The following ZNF430 variants were observed in gnomAD, a reference collection of about 807,000 sequenced individuals.
ZNF430 encodes the protein zinc finger protein 430.
In ZNF430, 35 loss-of-function variants were observed where a neutral mutation model predicts 56.7. That is an observed-to-expected ratio of 0.62 (90% CI 0.47 to 0.82). The LOEUF is 0.82. ZNF430 is among the 40% of genes least tolerant of loss of function. The probability of loss-of-function intolerance (pLI) is 0.00; values close to 1 mark genes in which losing one functional copy is unlikely to be tolerated. For synonymous variants in ZNF430, 212 were observed against 224.3 expected (o/e 0.94, Z 0.49); for missense variants, 574 against 661.0 (o/e 0.87, Z 1.44).
chr19:21,035,126 G>A (rs941107885), intron 4 of ZNF430: 3 of 151,728 alleles, frequency 2.0e-5, no homozygotes, highest in African/African-American at 7.3e-5. Context: ...ATTTTGATAG[G>A]GAATTTATTG....
chr19:21,028,002 G>C (rs936065151), intron 2 of ZNF430, among the ~76,000 whole-genome samples: 1 of 152,156 alleles, frequency 6.6e-6, no homozygotes, highest in African/African-American at 2.4e-5. Flanking sequence ...TCTATGAGGG[G>C]ATCTCTCCTT....
At chr19:21,036,130 T>C (rs1042092160) in intron 4 of ZNF430, 1 of 152,306 alleles carries the variant, frequency 6.6e-6, no homozygotes, top group Admixed American at 6.5e-5. Context: ...TTTTGTATTA[T>C]AATTTTAGAC....
chr19:21,058,731 T>A lies in ZNF430; in HGVS notation c.*710T>A, dbSNP rs10409844. On this transcript the variant is annotated 3_prime_UTR_variant, in exon 5 of 5. Transcript: ENST00000261560. Reference sequence around the variant, plus strand: ...GGAGAGCATTTATACTTGAAAAAAATTGTACAAATATAAAGACCATGAAAA... The same window carrying A: ...GGAGAGCATTTATACTTGAAAAAAAATGTACAAATATAAAGACCATGAAAA... 0.69 allele frequency: 104,818 copies of A among 152,228 alleles called. 40,141 individuals carry two copies. Among genetic ancestry groups the A allele is most frequent in the East Asian group, 0.87 (4,506 of 5,178 alleles). 9.4% of individuals were successfully genotyped at this position (152,228 alleles called of 1,614,324 possible).
Position 21,057,050 on chromosome 19 carries a change from C to A in ZNF430, c.742C>A (p.Leu248Ile). The A allele has an allele frequency of 6.2e-7, 1 of 1,614,006 alleles. No homozygotes were observed. Among genetic ancestry groups the A allele is most frequent in the African/African-American group, 1.3e-5 (1 of 75,030 alleles). ...TAAAGTCTTTAACTGGTTCTCAACCCTTACTAGACACAGAAGAATTCATAC... is the reference window on the plus strand; with the variant it reads ...TAAAGTCTTTAACTGGTTCTCAACCATTACTAGACACAGAAGAATTCATAC... Reference protein sequence around the residue: ...CGKVFNWFSTLTRHRRIHTGE... With the variant: ...CGKVFNWFSTITRHRRIHTGE... The change falls in exon 5 of 5, where the codon CTT (leucine) becomes ATT (isoleucine). Residue 248 changes from leucine (L) to isoleucine (I), a missense_variant. By Grantham distance (5) the Leu-to-Ile change is conservative. Around this residue, in one of 3 missense-constraint regions of ZNF430, gnomAD observed 346 missense variants for 399.1 expected, o/e 0.87. Coordinates refer to ENST00000261560, the MANE Select transcript of ZNF430 (RefSeq NM_025189.4).
intron 4 of ZNF430, among the ~76,000 whole-genome samples, chr19:21,054,203 A>G (rs1968332108): frequency 6.6e-6 from 1 of 152,064 alleles, no homozygotes; most frequent in African/African-American, 2.4e-5. Flanking sequence ...TAAAAATTCA[A>G]TTTTTGTGTT....
rs571474371 is a variant in ZNF430 at position 21,059,890 on chromosome 19, T to C, written c.*1869T>C. On this transcript the variant is annotated 3_prime_UTR_variant, in exon 5 of 5. Coordinates refer to ENST00000261560, the MANE Select transcript of ZNF430 (RefSeq NM_025189.4). ...TGAAAAATTAAGTGAAGAGGCTCTT[T>C]ATGGTTAATTTATATTGAATAATGC... The C allele has an allele frequency of 5.3e-5, 8 of 152,234 alleles. No homozygotes were observed. In the East Asian group the frequency reaches 1.5e-3, roughly 29 times the overall value. 9.4% of individuals were successfully genotyped at this position (152,234 alleles called of 1,614,324 possible).
At chr19:21,044,413 T>C (rs1968154383) in intron 4 of ZNF430, among the ~76,000 whole-genome samples, 1 of 152,226 alleles carries the variant, frequency 6.6e-6, no homozygotes, top group Admixed American at 6.5e-5. Context: ...GAAATAGCCT[T>C]GCATCCCAGG....
At position 21,056,672 on chromosome 19, in the gene ZNF430, G is replaced by C. The variant is rs144326071; in HGVS notation, c.364G>C (p.Gly122Arg). 7.8e-5 allele frequency: 124 copies of C among 1,582,440 alleles called. No individual in the cohort carries two copies. The African/African-American group carries it at 1.5e-3, about 20-fold the overall frequency. The change falls in exon 5 of 5, where the codon GGC becomes CGC. Residue 122 changes from glycine (G) to arginine (R), a missense_variant. This residue lies in a region of ZNF430 where 346 missense variants were observed against 399.1 expected (regional missense o/e 0.87). Transcript: ENST00000261560. ...HFAQDLWPEQGIKDSFQEVIL... is the reference protein window; with the variant it reads ...HFAQDLWPEQRIKDSFQEVIL... ...TGCCCAAGACCTTTGGCCAGAGCAG[G>C]GCATAAAAGATTCTTTCCAAGAAGT...
chr19:21,050,662 C>T (rs947780656), intron 4 of ZNF430, among the ~76,000 whole-genome samples: 8 of 152,020 alleles, frequency 5.3e-5, no homozygotes, highest in Non-Finnish European at 1.0e-4. Context: ...AACTTTGTGT[C>T]TTTTTTAGGT....
intron 2 of ZNF430, among the ~76,000 whole-genome samples, chr19:21,030,233 T>G (rs1967875609): frequency 6.6e-6 from 1 of 152,168 alleles, no homozygotes; most frequent in Non-Finnish European, 1.5e-5. Flanking sequence ...TACATTAAAC[T>G]TTTTCTATGT....
intron 2 of ZNF430, 130 bp from the exon 3 acceptor site, chr19:21,033,326 T>G: frequency 7.8e-7 from 1 of 1,274,728 alleles, no homozygotes. Context: ...AATTATTGGA[T>G]AATTTCAGTC....
chr19:21,045,553 G>T (rs921017412), intron 4 of ZNF430, among the ~76,000 whole-genome samples: 10 of 152,278 alleles, frequency 6.6e-5, no homozygotes, highest in Admixed American at 4.6e-4. Flanking sequence ...TGTTGTTTTT[G>T]GCTGGAGAGT....
intron 4 of ZNF430, among the ~76,000 whole-genome samples, chr19:21,055,743 C>T (rs1180658392): frequency 6.6e-6 from 1 of 152,140 alleles, no homozygotes; most frequent in Non-Finnish European, 1.5e-5. Flanking sequence ...CATGAACCAC[C>T]ACAACTGGCC....
At chr19:21,034,281 G>T in intron 4 of ZNF430, 97 bp downstream of exon 4, 1 of 972,058 alleles carries the variant, frequency 1.0e-6, no homozygotes, top group Non-Finnish European at 1.5e-6. Context: ...GTGTTCCAAA[G>T]CAAATATTTT....
At chr19:21,040,472 C>T (rs1335287128) in intron 4 of ZNF430, among the ~76,000 whole-genome samples, 1 of 152,346 alleles carries the variant, frequency 6.6e-6, no homozygotes, top group Non-Finnish European at 1.5e-5. Flanking sequence ...TCACCTCACA[C>T]TTGCTCTGTC....
chr19:21,035,151 TTAGA>T (rs1967974155), intron 4 of ZNF430: 1 of 152,198 alleles, frequency 6.6e-6, no homozygotes, highest in African/African-American at 2.4e-5. Context: ...TATAGATTAC[TTAGA>T]TAATAGGACA....
chr19:21,027,968 C>G (rs1345311128), intron 2 of ZNF430, among the ~76,000 whole-genome samples: 2 of 152,156 alleles, frequency 1.3e-5, no homozygotes, highest in African/African-American at 4.8e-5. Context: ...GTAGTCATAT[C>G]ACGTAGAATG....
intron 4 of ZNF430, among the ~76,000 whole-genome samples, chr19:21,054,698 C>CG (rs1968341841): frequency 1.2e-5 from 1 of 86,166 alleles, no homozygotes; most frequent in African/African-American, 5.3e-5. Context: ...TTTTTTGAGA[C>CG]GGAGTCTCGC....
intron 4 of ZNF430, among the ~76,000 whole-genome samples, chr19:21,053,958 C>T (rs1295309384): frequency 1.3e-5 from 2 of 151,254 alleles, no homozygotes; most frequent in African/African-American, 2.4e-5. Flanking sequence ...TTGGGGATTA[C>T]ATAAAACCTC....
Sources: gnomAD v4.1 joint callset for allele counts (sites outside exome capture counted in the v4.1 genomes callset) on GRCh38, gnomAD v4.1.1 for gene constraint, gnomAD v4.1.1 regional missense constraint, MANE v1.5 for transcripts, NCBI Gene and HGNC (gene_info 2026-07-23, HGNC 2026-07-21) for gene names.